LRP1B: variants seen among roughly 807,000 people sequenced by gnomAD.
The protein encoded by LRP1B is low-density lipoprotein receptor-related protein 1B.
LRP1B carries 217 observed loss-of-function variants against 556.6 expected under a neutral mutation model. The ratio of observed to expected loss-of-function variants is 0.39; its 90% CI spans 0.35 to 0.44. The LOEUF is 0.44. Ranked by LOEUF, LRP1B falls within the 20% of genes least tolerant of loss-of-function variation. The pLI, the probability that LRP1B is intolerant of heterozygous loss-of-function variation, is 1.00. For missense variants in LRP1B, 5,053 were observed against 5,620.8 expected (o/e 0.90, Z 3.23); for synonymous variants, 2,047 against 1,865.8 (o/e 1.10, Z -2.50).
At chr2:140,249,977 A>G (rs1681335527) in intron 86 of LRP1B, among the ~76,000 whole-genome samples, 1 of 152,006 alleles carries the variant, frequency 6.6e-6, no homozygotes. Context: ...CATGCTGACT[A>G]TAATTTCTCT....
chr2:141,949,664 A>G (rs1041117640), intron 1 of LRP1B, among the ~76,000 whole-genome samples: 11 of 152,314 alleles, frequency 7.2e-5, no homozygotes, highest in Admixed American at 6.5e-4. Context: ...CTGGGATTAT[A>G]GGCATAAGCC....
intron 23 of LRP1B, among the ~76,000 whole-genome samples, chr2:140,893,444 T>C (rs1693858072): frequency 6.6e-6 from 1 of 152,172 alleles, no homozygotes; most frequent in Admixed American, 6.5e-5. Flanking sequence ...TTTGCAGTAT[T>C]ATGTAAATGC....
At chr2:141,169,781 G>T (rs1213864626) in intron 7 of LRP1B, among the ~76,000 whole-genome samples, 1 of 136,088 alleles carries the variant, frequency 7.3e-6, no homozygotes, top group Non-Finnish European at 1.5e-5. Context: ...TCTCTCCAGT[G>T]CACCTCCCAC....
At chr2:140,625,558 A>C (rs1683626429) in intron 41 of LRP1B, among the ~76,000 whole-genome samples, 1 of 152,212 alleles carries the variant, frequency 6.6e-6, no homozygotes, top group African/African-American at 2.4e-5. Context: ...CCTGACTTAA[A>C]AAAATGGGCA....
At chr2:141,303,575 A>G (rs1230913609) in intron 3 of LRP1B, among the ~76,000 whole-genome samples, 1 of 152,170 alleles carries the variant, frequency 6.6e-6, no homozygotes, top group Non-Finnish European at 1.5e-5. Context: ...TACTTAACAT[A>G]ATGATCTCCA....
intron 3 of LRP1B, among the ~76,000 whole-genome samples, chr2:141,362,190 A>C (rs72979075): frequency 0.065 from 9,901 of 152,258 alleles, 448 homozygotes; most frequent in African/African-American, 0.12. Context: ...CTGTGCTACC[A>C]CTTCTCTAAG....
At chr2:140,307,701 G>A (rs565225722) in intron 83 of LRP1B, among the ~76,000 whole-genome samples, 3 of 151,856 alleles carry the variant, frequency 2.0e-5, no homozygotes, top group East Asian at 3.9e-4. Context: ...ATTTAACTGT[G>A]TGTCACCTTC....
In LRP1B at chr2:141,844,817, TTTC is replaced by T. The variant is rs575606891; in HGVS notation, c.83-34419_83-34417del. 3.4e-4 allele frequency among the ~76,000 whole-genome samples: 52 copies of T among 151,868 alleles called. No individual in the cohort carries two copies. The South Asian group carries it at 0.011, about 31-fold the overall frequency. On this transcript the variant is annotated intron_variant, in intron 1 of 90. Coordinates refer to ENST00000389484, the MANE Select transcript of LRP1B (RefSeq NM_018557.3). ...CTAAATATTGACATAATTCAATTATTTTCTTATTAGACAATTTCAATCATATTC... is the reference window on the plus strand; with the variant it reads ...CTAAATATTGACATAATTCAATTATTTTATTAGACAATTTCAATCATATTC...
chr2:141,432,138 C>T (rs1301628842), intron 3 of LRP1B, among the ~76,000 whole-genome samples: 1 of 151,952 alleles, frequency 6.6e-6, no homozygotes, highest in Admixed American at 6.6e-5. Flanking sequence ...TCTTTCACTC[C>T]AAGTTTACTG....
chr2:141,999,166 C>T (rs1362596657), intron 1 of LRP1B, among the ~76,000 whole-genome samples: 1 of 152,032 alleles, frequency 6.6e-6, no homozygotes, highest in Non-Finnish European at 1.5e-5. Context: ...GTCTTTAGAT[C>T]TCCGTTTTAA....
chr2:140,249,053 A>T, intron 86 of LRP1B, among the ~76,000 whole-genome samples: 1 of 151,696 alleles, frequency 6.6e-6, no homozygotes, highest in East Asian at 1.9e-4. Flanking sequence ...AAGAAAAAAA[A>T]AACTAAATCA....
intron 14 of LRP1B, among the ~76,000 whole-genome samples, chr2:141,011,363 A>G (rs1697744107): frequency 6.6e-6 from 1 of 152,064 alleles, no homozygotes; most frequent in African/African-American, 2.4e-5. Flanking sequence ...ACAACTGAAC[A>G]TCGGAATGCA....
chr2:141,058,095 C>T (rs1699232503), intron 9 of LRP1B, among the ~76,000 whole-genome samples: 1 of 151,708 alleles, frequency 6.6e-6, no homozygotes, highest in African/African-American at 2.4e-5. Context: ...TAGAATAGTT[C>T]CTGGAACATA....
intron 41 of LRP1B, among the ~76,000 whole-genome samples, chr2:140,677,876 C>CAAAAAAA (rs56656451): frequency 1.3e-5 from 1 of 75,274 alleles, no homozygotes; most frequent in Non-Finnish European, 3.0e-5. Flanking sequence ...AACTATGTCT[C>CAAAAAAA]AAAAAAAAAA....
At chr2:140,702,588 A>C (rs1293399142) in intron 37 of LRP1B, 35 bp from the exon 38 acceptor site, 4 of 1,604,790 alleles carry the variant, frequency 2.5e-6, no homozygotes, top group Non-Finnish European at 3.4e-6. Context: ...GTGTTTATGT[A>C]CATTTATTTG....
chr2:141,211,728 A>G (rs1682562165), intron 6 of LRP1B, among the ~76,000 whole-genome samples: 1 of 152,246 alleles, frequency 6.6e-6, no homozygotes. Flanking sequence ...ATGTTAATGT[A>G]AAACTTAAGG....
intron 1 of LRP1B, among the ~76,000 whole-genome samples, chr2:142,030,400 A>T (rs1263099821): frequency 2.0e-5 from 3 of 151,932 alleles, no homozygotes. Context: ...TGGAGGGCTT[A>T]TATATTTAGT....
At chr2:141,017,665 G>A (rs13001604) in intron 12 of LRP1B, among the ~76,000 whole-genome samples, 3,652 of 151,342 alleles carry the variant, frequency 0.024, 53 homozygotes, top group Non-Finnish European at 0.028. Flanking sequence ...ATGTATATAT[G>A]TATATGCACA....
chr2:141,229,125 C>T (rs566623828), intron 6 of LRP1B, 58 bp downstream of exon 6: 74 of 1,558,458 alleles, frequency 4.7e-5, no homozygotes, highest in South Asian at 3.4e-4. Flanking sequence ...ATCCAGCCTA[C>T]GGGTCTGTAA....
Sources: allele counts gnomAD v4.1 joint callset (sites outside exome capture counted in the v4.1 genomes callset), GRCh38; gene constraint gnomAD v4.1.1; transcripts MANE v1.5; gene names NCBI Gene and HGNC (gene_info 2026-07-23, HGNC 2026-07-21).